The following PLEKHA3 variants were observed in gnomAD, a reference collection of about 807,000 sequenced individuals.
PLEKHA3 encodes the protein pleckstrin homology domain containing A3.
In PLEKHA3, 19 loss-of-function variants were observed where a neutral mutation model predicts 39.2. The observed-to-expected ratio is 0.48, with a 90% CI of 0.34 to 0.71. The LOEUF (loss-of-function observed/expected upper bound fraction) is 0.71. Ranked by LOEUF, PLEKHA3 falls within the 30% of genes least tolerant of loss-of-function variation. The pLI is 0.01. For missense variants in PLEKHA3, 253 were observed against 359.5 expected, an observed-to-expected ratio of 0.70 and a Z score of 2.40; for synonymous variants, 97 against 118.6, an observed-to-expected ratio of 0.82 and a Z score of 1.18.
rs1177622013 is a variant in PLEKHA3, at chr2:178,499,251, A to C, written c.656A>C (p.Glu219Ala). 1.1e-5 allele frequency: 18 copies of C among 1,611,124 alleles called. No individual in the cohort carries two copies. The highest frequency in any genetic ancestry group is 1.5e-5 in the Non-Finnish European group (18 of 1,179,006). Residue 219 changes from glutamate to alanine, a missense_variant, in exon 6 of 8, where the codon GAG becomes GCG. Glu to Ala is a moderately radical substitution (Grantham distance 107). Coordinates refer to ENST00000234453, the MANE Select transcript of PLEKHA3 (RefSeq NM_019091.4). ...SVSHPGSCSSERSSHSIKEPV... is the reference protein window; with the variant it reads ...SVSHPGSCSSARSSHSIKEPV... ...AGCCACCCTGGTTCTTGCAGTTCAG[A>C]GAGGTAAAAGAACCTTTTCTTCTGA...
chr2:178,510,764 A>G lies in PLEKHA3; in HGVS notation c.*6877A>G, dbSNP rs1441338014. ...ATGGTAAATTCCCATCACTGTATCC[A>G]TAACCTCTTGTAAATAGTTGTACAC... is the stretch of plus-strand genomic sequence containing the variant. On this transcript the variant is annotated 3_prime_UTR_variant, in exon 8 of 8. Coordinates refer to ENST00000234453, the MANE Select transcript of PLEKHA3 (RefSeq NM_019091.4). The G allele has an allele frequency of 6.5e-6, 1 of 152,892 alleles. No individual in the cohort carries two copies. The highest frequency in any genetic ancestry group is 1.5e-5 in the Non-Finnish European group (1 of 68,054). The allele number at this position is 152,892 out of a possible 1,614,324, so 9.5% of individuals were successfully genotyped here.
chr2:178,514,762 T>A lies in PLEKHA3; in HGVS notation c.*10875T>A, dbSNP rs1344916356. On this transcript the variant is annotated 3_prime_UTR_variant, in exon 8 of 8. Coordinates refer to ENST00000234453, the MANE Select transcript of PLEKHA3 (RefSeq NM_019091.4). ...TGCTTTACCTTAGTCACTTTTTGTG[T>A]TTTGATCACCCTTAGTCATCACTGG... is the stretch of plus-strand genomic sequence containing the variant. 1 of 152,134 alleles carries A rather than the reference T, an allele frequency of 6.6e-6. No homozygotes were observed. The highest frequency in any genetic ancestry group is 1.9e-4 in the East Asian group (1 of 5,190). 9.4% of individuals were successfully genotyped at this position (152,134 alleles called of 1,614,324 possible). A position where few individuals can be genotyped will look rare whatever the true frequency, so the allele number is the denominator to read the frequency against.
chr2:178,481,853 G>GC (rs1010662940), intron 1 of PLEKHA3: 4 of 137,204 alleles, frequency 2.9e-5, no homozygotes, highest in Admixed American at 7.4e-5. Context: ...GGGGGGGGGG[G>GC]GTCTAGCATA....
chr2:178,489,941 T>G (rs922564951), intron 2 of PLEKHA3, among the ~76,000 whole-genome samples: 5 of 152,224 alleles, frequency 3.3e-5, no homozygotes, highest in Non-Finnish European at 4.4e-5. Flanking sequence ...ACACCTTTTT[T>G]CTTCCCCTCT....
intron 2 of PLEKHA3, among the ~76,000 whole-genome samples, chr2:178,488,817 T>A (rs1445516797): frequency 6.6e-6 from 1 of 152,240 alleles, no homozygotes; most frequent in Non-Finnish European, 1.5e-5. Context: ...AGAATTATAT[T>A]CTTGATGATA....
Position 178,515,776 on chromosome 2 carries a change from A to G in PLEKHA3, c.*11889A>G, listed in dbSNP as rs2154128411. The G allele has an allele frequency of 6.6e-6, 1 of 152,200 alleles. No homozygotes were observed. Among genetic ancestry groups the G allele is most frequent in the South Asian group, 2.1e-4 (1 of 4,826 alleles). The allele number at this position is 152,200 out of a possible 1,614,324, so 9.4% of individuals were successfully genotyped here. Reference sequence around the variant, plus strand: ...ACTGCTTTATTATTTAATATCTTAGATACAATGACTATCTTAATTATAATT... The same window carrying G: ...ACTGCTTTATTATTTAATATCTTAGGTACAATGACTATCTTAATTATAATT... On this transcript the variant is annotated 3_prime_UTR_variant, in exon 8 of 8. Coordinates refer to ENST00000234453, the MANE Select transcript of PLEKHA3 (RefSeq NM_019091.4).
chr2:178,499,305 G>C, intron 6 of PLEKHA3, 51 bp downstream of exon 6: 1 of 1,579,580 alleles, frequency 6.3e-7, no homozygotes. Context: ...TATCCATCTA[G>C]GGAAGTTCTT....
At position 178,501,098 on chromosome 2, in the gene PLEKHA3, C is replaced by T. The variant is rs143295460; in HGVS notation, c.697C>T (p.His233Tyr). ...TATAAAAGAACCAGTATCTACACTT[C>T]ACCGACTCTCCCAGCGACGCCGAAG... is the stretch of plus-strand genomic sequence containing the variant. ...HSIKEPVSTL[H>Y]RLSQRRRRTY... Residue 233 changes from histidine (H) to tyrosine (Y), a missense_variant, in exon 7 of 8, where the codon CAC becomes TAC. This residue lies in a region of PLEKHA3 where 127 missense variants were observed against 136.8 expected (regional missense o/e 0.93). Transcript: ENST00000234453. 6.2e-6 allele frequency: 10 copies of T among 1,613,212 alleles called. No individual in the cohort carries two copies. In the African/African-American group the frequency reaches 1.3e-4, roughly 22 times the overall value.
chr2:178,500,511 G>C (rs568659118), intron 6 of PLEKHA3, among the ~76,000 whole-genome samples: 1 of 152,102 alleles, frequency 6.6e-6, no homozygotes, highest in Non-Finnish European at 1.5e-5. Context: ...AAGTTGGGCT[G>C]TTACAAAAAT....
Position 178,507,701 on chromosome 2 carries a change from G to A in PLEKHA3, c.*3814G>A, listed in dbSNP as rs1685626411. On this transcript the variant is annotated 3_prime_UTR_variant, in exon 8 of 8. Coordinates refer to ENST00000234453, the MANE Select transcript of PLEKHA3 (RefSeq NM_019091.4). ...TTTTTTTTTTTTTTTTTTTGGCAAAGCTCCTCCACCAGTAACTTCCTAAGA... is the reference window on the plus strand; with the variant it reads ...TTTTTTTTTTTTTTTTTTTGGCAAAACTCCTCCACCAGTAACTTCCTAAGA... 1.2e-5 allele frequency: 1 copy of A among 80,580 alleles called. No individual in the cohort carries two copies. The highest frequency in any genetic ancestry group is 2.0e-4 in the Admixed American group (1 of 5,120). 5.0% of individuals were successfully genotyped at this position (80,580 alleles called of 1,614,324 possible).
In PLEKHA3 at chr2:178,512,244, A is replaced by G. The variant is rs1349804206; in HGVS notation, c.*8357A>G. On this transcript the variant is annotated 3_prime_UTR_variant, in exon 8 of 8. Coordinates refer to ENST00000234453, the MANE Select transcript of PLEKHA3 (RefSeq NM_019091.4). ...AATTCAGAATGTATCCACAAAACCT[A>G]GAATATATGACAGGGTGGATTCAGT... is the stretch of plus-strand genomic sequence containing the variant. The G allele has an allele frequency of 6.6e-6, 1 of 152,248 alleles. No homozygotes were observed. Among genetic ancestry groups the G allele is most frequent in the Non-Finnish European group, 1.5e-5 (1 of 68,044 alleles). The allele number at this position is 152,248 out of a possible 1,614,324, so 9.4% of individuals were successfully genotyped here.
At chr2:178,497,939 TG>T (rs1430666405) in intron 5 of PLEKHA3, among the ~76,000 whole-genome samples, 9 of 150,568 alleles carry the variant, frequency 6.0e-5, no homozygotes, top group South Asian at 4.2e-4. Flanking sequence ...ACAATCTTCA[TG>T]TTTTTTTTTT....
chr2:178,494,865 G>A (rs1049633422), intron 4 of PLEKHA3, among the ~76,000 whole-genome samples: 8 of 151,746 alleles, frequency 5.3e-5, no homozygotes, highest in Non-Finnish European at 8.8e-5. Context: ...GTTTTGAATC[G>A]GGAAACAAAA....
Position 178,513,611 on chromosome 2 carries a change from C to T in PLEKHA3, c.*9724C>T, listed in dbSNP as rs1028355589. On this transcript the variant is annotated 3_prime_UTR_variant, in exon 8 of 8. Coordinates refer to ENST00000234453, the MANE Select transcript of PLEKHA3 (RefSeq NM_019091.4). ...CTCTATCTGTGCATGCATCTGTATG[C>T]ACAGTTTCTTAGTTGTGGACAATGC... The T allele has an allele frequency of 6.6e-6, 1 of 152,098 alleles. No homozygotes were observed. Among genetic ancestry groups the T allele is most frequent in the African/African-American group, 2.4e-5 (1 of 41,404 alleles). The allele number at this position is 152,098 out of a possible 1,614,324, so 9.4% of individuals were successfully genotyped here.
chr2:178,502,382 A>G, intron 7 of PLEKHA3: 1 of 427,678 alleles, frequency 2.3e-6, no homozygotes, highest in Non-Finnish European at 4.7e-6. Context: ...GGGAAGGGAG[A>G]AAGAAACTTT....
intron 6 of PLEKHA3, among the ~76,000 whole-genome samples, chr2:178,500,716 G>T (rs567077365): frequency 6.6e-6 from 1 of 152,130 alleles, no homozygotes; most frequent in South Asian, 2.1e-4. Context: ...GATATGGATT[G>T]ACTTAAAATA....
In PLEKHA3 at chr2:178,507,253, C is replaced by T. The variant is rs184062084; in HGVS notation, c.*3366C>T. 129 of 152,288 alleles carry T rather than the reference C, an allele frequency of 8.5e-4. 1 individual carries two copies. Among genetic ancestry groups the T allele is most frequent in the African/African-American group, 2.8e-3 (116 of 41,550 alleles). 9.4% of individuals were successfully genotyped at this position (152,288 alleles called of 1,614,324 possible). On this transcript the variant is annotated 3_prime_UTR_variant, in exon 8 of 8. Transcript: ENST00000234453. ...TCCACCTCCCACATTTTTCTTCCCC[C>T]ACCCCTCCCAAAATAGATTTATATT...
intron 6 of PLEKHA3, among the ~76,000 whole-genome samples, chr2:178,499,737 C>T (rs1685500316): frequency 6.6e-6 from 1 of 152,134 alleles, no homozygotes; most frequent in Admixed American, 6.5e-5. Context: ...TACCACATAG[C>T]CTACATGTGT....
intron 1 of PLEKHA3, among the ~76,000 whole-genome samples, chr2:178,485,285 C>T (rs943300363): frequency 3.3e-5 from 5 of 152,174 alleles, no homozygotes; most frequent in South Asian, 2.1e-4. Context: ...CCCATAATAT[C>T]GTAACCCCAA....
Sources: gnomAD v4.1 joint callset for allele counts (sites outside exome capture counted in the v4.1 genomes callset) on GRCh38, gnomAD v4.1.1 for gene constraint, gnomAD v4.1.1 regional missense constraint, MANE v1.5 for transcripts, NCBI Gene and HGNC (gene_info 2026-07-23, HGNC 2026-07-21) for gene names.